RP1L1: variants seen among roughly 807,000 people sequenced by gnomAD.
The protein encoded by RP1L1 is retinitis pigmentosa 1-like 1 protein.
In RP1L1, 27 loss-of-function variants were observed where a neutral mutation model predicts 15.7. The ratio of observed to expected loss-of-function variants is 1.72; its 90% CI spans 1.27 to 2.38. RP1L1 has a LOEUF of 2.38. RP1L1 is among the 30% of genes most tolerant of loss of function. The pLI is 0.00. For missense variants in RP1L1, 4,798 were observed against 3,075.9 expected (o/e 1.56, Z -13.24); for synonymous variants, 1,813 against 1,276.7 (o/e 1.42, Z -8.96).
chr8:10,621,780 G>C (rs1375726288), intron 2 of RP1L1: 4 of 504,236 alleles, frequency 7.9e-6, no homozygotes, highest in East Asian at 1.1e-4. Context: ...AACCTGGAAA[G>C]GCAAAAATTA....
rs1432013455 is a variant in RP1L1, at chr8:10,608,690, G to A, written c.5408C>T (p.Thr1803Ile). Residue 1803 changes from threonine (T) to isoleucine (I), a missense_variant, in exon 4 of 4, where the codon ACT (threonine) becomes ATT (isoleucine). Transcript: ENST00000382483. ...EGEGISERGE[T>I]GGQGSGHEDN... is the part of the protein sequence containing the mutation. Reference sequence around the variant, plus strand: ...CTCATGCCCAGAGCCTTGACCCCCAGTTTCTCCCCTTTCACTTATGCCCTC... The same window carrying A: ...CTCATGCCCAGAGCCTTGACCCCCAATTTCTCCCCTTTCACTTATGCCCTC... 1.9e-6 allele frequency: 3 copies of A among 1,614,060 alleles called. No individual in the cohort carries two copies. The highest frequency in any genetic ancestry group is 2.7e-5 in the African/African-American group (2 of 74,916).
At position 10,608,492 on chromosome 8, in the gene RP1L1, G is replaced by C. The variant is rs200473134; in HGVS notation, c.5606C>G (p.Pro1869Arg). 46 of 1,596,360 alleles carry C rather than the reference G, an allele frequency of 2.9e-5. No homozygotes were observed. The highest frequency in any genetic ancestry group is 3.8e-5 in the Non-Finnish European group (44 of 1,170,048). The change falls in exon 4 of 4, where the codon CCA becomes CGA. Residue 1869 changes from proline to arginine, a missense_variant. Pro to Arg is a moderately radical substitution (Grantham distance 103). Transcript: ENST00000382483. ...DAQEAEGEAQ[P>R]ESEDVEAPEA... ...TGGGGCCTCTACATCTTCTGACTCT[G>C]GCTGGGCCTCCCCTTCAGCCTCCTG...
chr8:10,646,380 C>T (rs1798478415), intron 1 of RP1L1, among the ~76,000 whole-genome samples: 1 of 152,198 alleles, frequency 6.6e-6, no homozygotes, highest in Non-Finnish European at 1.5e-5. Context: ...TCGCTGGGAG[C>T]CTTGTATGCT....
Position 10,623,121 on chromosome 8 carries a change from G to A in RP1L1, c.81C>T (p.Val27=), listed in dbSNP as rs775424273. The change falls in exon 2 of 4, where the codon GTC becomes GTT. Residue 27 remains valine (V), a synonymous_variant. Transcript: ENST00000382483. ...TCTTCTTGGCTGGCGTGACCTTGGT[G>A]ACCGAGGGGGTGCGAGCCACAGAGG... The part of the protein sequence containing the change: ...FLPSVARTPS[V]TKVTPAKKIT... 6.2e-7 allele frequency: 1 copy of A among 1,612,074 alleles called. No individual in the cohort carries two copies. The highest frequency in any genetic ancestry group is 8.5e-7 in the Non-Finnish European group (1 of 1,178,942).
rs761054315 is a variant in RP1L1 at position 10,622,817 on chromosome 8, A to G, written c.385T>C (p.Leu129=). The part of the protein sequence containing the change: ...PQERNPTAQQ[L]RDVEGQREAP... ...TCACGCTGGCCTTCGACATCCCGCA[A>G]CTGCTGAGCAGTGGGGTTTCTCTCC... The change falls in exon 2 of 4, where the codon TTG becomes CTG. Residue 129 remains leucine, a synonymous_variant. Transcript: ENST00000382483. 3.0e-5 allele frequency: 48 copies of G among 1,613,322 alleles called. No individual in the cohort carries two copies. The highest frequency in any genetic ancestry group is 4.0e-5 in the Non-Finnish European group (47 of 1,179,692).
At chr8:10,617,141 C>T (rs147242394) in intron 2 of RP1L1, among the ~76,000 whole-genome samples, 2 of 152,172 alleles carry the variant, frequency 1.3e-5, no homozygotes, top group African/African-American at 2.4e-5. Context: ...AAAATGGTCT[C>T]TGGGCTCCTG....
chr8:10,610,497 C>T lies in RP1L1; in HGVS notation c.3601G>A (p.Val1201Met). 6.2e-7 allele frequency: 1 copy of T among 1,613,826 alleles called. No homozygotes were observed. The highest frequency in any genetic ancestry group is 8.5e-7 in the Non-Finnish European group (1 of 1,180,028). The change falls in exon 4 of 4, where the codon GTG becomes ATG. Residue 1201 changes from valine to methionine, a missense_variant. Transcript: ENST00000382483. ...ENFTPTSSSG[V>M]DISSGSGGSG... ...CCTCCAGAGCCGCTGCTGATGTCCA[C>T]ACCAGAGGAGGATGTGGGCGTGAAG...
chr8:10,612,660 C>T lies in RP1L1; in HGVS notation c.1438G>A (p.Val480Met), dbSNP rs777563548. ...SCCPRTPEDG[V>M]DSASPSAQIG... ...TGGGCAGAGGGGCTGGCACTGTCCA[C>T]CCCGTCCTCCGGGGTCCTGGGGCAG... The change falls in exon 4 of 4, where the codon GTG becomes ATG. Residue 480 changes from valine (V) to methionine (M), a missense_variant. Physicochemically the swap from Val to Met is conservative, Grantham distance 21. Coordinates refer to ENST00000382483, the MANE Select transcript of RP1L1 (RefSeq NM_178857.6). 2.1e-5 allele frequency: 34 copies of T among 1,601,284 alleles called. No individual in the cohort carries two copies. Among genetic ancestry groups the T allele is most frequent in the Non-Finnish European group, 2.8e-5 (33 of 1,177,982 alleles).
In RP1L1 at chr8:10,609,833, TG is replaced by T; in HGVS notation, c.4264del (p.Gln1422ArgfsTer64). On this transcript the variant is annotated frameshift_variant, in exon 4 of 4. Coordinates refer to ENST00000382483, the MANE Select transcript of RP1L1 (RefSeq NM_178857.6). LOFTEE classifies it low-confidence loss of function (END_TRUNC). ...CTCCTCCTGGACTGGGTCATCTTCCTGGGAGCCTTTCCCATCCGGAGAGCTG... is the reference window on the plus strand; with the variant it reads ...CTCCTCCTGGACTGGGTCATCTTCCTGGAGCCTTTCCCATCCGGAGAGCTG... ...EASSPDGKGS[Q>X]EDDPVQEEEA... 1 of 1,614,120 alleles carries T rather than the reference TG, an allele frequency of 6.2e-7. No individual in the cohort carries two copies.
chr8:10,619,550 C>A (rs1188738749), intron 2 of RP1L1, among the ~76,000 whole-genome samples: 4 of 152,152 alleles, frequency 2.6e-5, no homozygotes, highest in Non-Finnish European at 4.4e-5. Context: ...GAATCTTTTC[C>A]AGGAACCCAG....
At chr8:10,647,889 T>C (rs1798502631) in intron 1 of RP1L1, among the ~76,000 whole-genome samples, 2 of 152,366 alleles carry the variant, frequency 1.3e-5, no homozygotes, top group East Asian at 1.9e-4. Context: ...ATGACAATTG[T>C]ACATTTAATT....
rs1272423864 is a variant in RP1L1 at position 10,612,166 on chromosome 8, C to G, written c.1932G>C (p.Arg644=). The G allele has an allele frequency of 6.2e-7, 1 of 1,613,292 alleles. No individual in the cohort carries two copies. Among genetic ancestry groups the G allele is most frequent in the Non-Finnish European group, 8.5e-7 (1 of 1,180,030 alleles). The change falls in exon 4 of 4, where the codon CGG becomes CGC. Residue 644 remains arginine (R), a synonymous_variant. Transcript: ENST00000382483. ...SQQGQRRHRS[R]ASAMSSPSSP... ...TGCTGGGTGAGGACATTGCACTGGC[C>G]CGGCTTCTGTGCCTTCTCTGCCCCT...
chr8:10,622,771 G>T lies in RP1L1; in HGVS notation c.431C>A (p.Ser144Tyr), dbSNP rs916861966. 1 of 1,613,874 alleles carries T rather than the reference G, an allele frequency of 6.2e-7. No homozygotes were observed. The highest frequency in any genetic ancestry group is 8.5e-7 in the Non-Finnish European group (1 of 1,179,876). Residue 144 changes from serine to tyrosine, a missense_variant, in exon 2 of 4, where the codon TCC becomes TAC. Physicochemically the swap from Ser to Tyr is moderately radical, Grantham distance 144 (BLOSUM62 -2). Coordinates refer to ENST00000382483, the MANE Select transcript of RP1L1 (RefSeq NM_178857.6). ...CCGGGGGGTTTTAAGACTCTTCCGG[G>T]AGGAGGAGGTGCCTGGGGCTTCACG... ...GQREAPGTSS[S>Y]RKSLKTPRRI...
rs1416998760 is a variant in RP1L1, at chr8:10,612,657, C to G, written c.1441G>C (p.Asp481His). The G allele has an allele frequency of 6.2e-7, 1 of 1,601,254 alleles. No individual in the cohort carries two copies. The highest frequency in any genetic ancestry group is 1.7e-5 in the Admixed American group (1 of 59,924). The change falls in exon 4 of 4, where the codon GAC becomes CAC. Residue 481 changes from aspartate to histidine, a missense_variant. Asp to His is a moderately conservative substitution (Grantham distance 81). Transcript: ENST00000382483. Reference sequence around the variant, plus strand: ...ATCTGGGCAGAGGGGCTGGCACTGTCCACCCCGTCCTCCGGGGTCCTGGGG... The same window carrying G: ...ATCTGGGCAGAGGGGCTGGCACTGTGCACCCCGTCCTCCGGGGTCCTGGGG... ...CCPRTPEDGV[D>H]SASPSAQIGA...
chr8:10,617,226 T>C (rs1797981863), intron 2 of RP1L1, among the ~76,000 whole-genome samples: 1 of 152,062 alleles, frequency 6.6e-6, no homozygotes, highest in African/African-American at 2.4e-5. Flanking sequence ...GCAGAATTCC[T>C]TTCCAGGAAA....
At chr8:10,616,950 C>T (rs1228820396) in intron 2 of RP1L1, among the ~76,000 whole-genome samples, 1 of 152,174 alleles carries the variant, frequency 6.6e-6, no homozygotes, top group Non-Finnish European at 1.5e-5. Context: ...GAGCAGCACG[C>T]CCTCCAGCTC....
At chr8:10,627,156 G>A (rs369410204) in intron 1 of RP1L1, among the ~76,000 whole-genome samples, 1 of 152,086 alleles carries the variant, frequency 6.6e-6, no homozygotes, top group Non-Finnish European at 1.5e-5. Flanking sequence ...AGAACTGAAA[G>A]CAGGGCTCAA....
chr8:10,644,222 A>C (rs1458945789), intron 1 of RP1L1, among the ~76,000 whole-genome samples: 1 of 151,790 alleles, frequency 6.6e-6, no homozygotes, highest in African/African-American at 2.4e-5. Flanking sequence ...AGTGACCAGC[A>C]TGCTGGTCTC....
chr8:10,629,116 A>G (rs991211272), intron 1 of RP1L1, among the ~76,000 whole-genome samples: 11 of 152,256 alleles, frequency 7.2e-5, no homozygotes, highest in Non-Finnish European at 1.5e-4. Context: ...AAGTACGGTA[A>G]GCACAGAACA....
Sources: gnomAD v4.1 joint callset for allele counts (sites outside exome capture counted in the v4.1 genomes callset) on GRCh38, gnomAD v4.1.1 for gene constraint, MANE v1.5 for transcripts, NCBI Gene and HGNC (gene_info 2026-07-23, HGNC 2026-07-21) for gene names.